The following ABTB2 variants were observed in gnomAD, a reference collection of about 807,000 sequenced individuals.
ABTB2 encodes the protein ankyrin repeat and BTB domain containing 2.
Under a neutral mutation model 104.1 loss-of-function variants are expected in ABTB2, and 56 were observed. The ratio of observed to expected loss-of-function variants is 0.54; its 90% CI spans 0.43 to 0.67. The LOEUF is 0.67. Ranked by LOEUF, ABTB2 falls within the 30% of genes least tolerant of loss-of-function variation. The pLI, the probability that ABTB2 is intolerant of heterozygous loss-of-function variation, is 0.00. For synonymous variants in ABTB2, 606 were observed against 608.2 expected, an observed-to-expected ratio of 1.00 and a Z score of 0.05; for missense variants, 1,279 against 1,407.7, an observed-to-expected ratio of 0.91 and a Z score of 1.46.
In ABTB2 at chr11:34,152,396, GGAGGTGATGTA is replaced by G; in HGVS notation, c.3058_3068del (p.Tyr1020ProfsTer28). ...GCCTCCGCCCCCTGCCTCACACCCG[GGAGGTGATGTA>G]GACAGAGTGCACGCGCTCTGCCAGG... On this transcript the variant is annotated frameshift_variant, in exon 17 of 17. Coordinates refer to ENST00000435224, the MANE Select transcript of ABTB2 (RefSeq NM_145804.3). LOFTEE classifies it high-confidence loss of function. 1 of 1,567,860 alleles carries G rather than the reference GGAGGTGATGTA, an allele frequency of 6.4e-7. No homozygotes were observed. The highest frequency in any genetic ancestry group is 8.6e-7 in the Non-Finnish European group (1 of 1,157,468).
chr11:34,246,925 G>A (rs931541050), intron 1 of ABTB2, among the ~76,000 whole-genome samples: 9 of 143,766 alleles, frequency 6.3e-5, no homozygotes, highest in Admixed American at 1.5e-4. Flanking sequence ...TCGGCTCACC[G>A]CAACCTCTGT....
At chr11:34,327,450 G>A (rs907490965) in intron 1 of ABTB2, among the ~76,000 whole-genome samples, 1 of 152,140 alleles carries the variant, frequency 6.6e-6, no homozygotes, top group Admixed American at 6.5e-5. Flanking sequence ...CCCAGTAGCA[G>A]GGGAAACGTG....
intron 1 of ABTB2, among the ~76,000 whole-genome samples, chr11:34,230,377 A>C (rs958641104): frequency 1.3e-5 from 2 of 152,210 alleles, no homozygotes; most frequent in Admixed American, 6.5e-5. Context: ...GGGGTTAGTC[A>C]CTTACCCAGA....
chr11:34,306,539 G>C (rs897022061), intron 1 of ABTB2, among the ~76,000 whole-genome samples: 1 of 151,978 alleles, frequency 6.6e-6, no homozygotes, highest in Non-Finnish European at 1.5e-5. Flanking sequence ...GAGCCACTGC[G>C]CCCAGACTGG....
intron 1 of ABTB2, among the ~76,000 whole-genome samples, chr11:34,293,108 G>A (rs140803761): frequency 2.0e-5 from 3 of 152,252 alleles, no homozygotes; most frequent in Middle Eastern, 3.4e-3. Flanking sequence ...GTTTTTTGAG[G>A]GCAGAGTTGA....
intron 2 of ABTB2, among the ~76,000 whole-genome samples, chr11:34,202,448 G>A (rs914637322): frequency 2.1e-5 from 3 of 145,810 alleles, no homozygotes; most frequent in African/African-American, 7.3e-5. Context: ...CCAGAGTGAG[G>A]ATTTTGGATT....
At chr11:34,274,158 CAAAAAAAAAAAAAAAAAAA>C (rs763755237) in intron 1 of ABTB2, among the ~76,000 whole-genome samples, 1 of 50,738 alleles carries the variant, frequency 2.0e-5, no homozygotes, top group Non-Finnish European at 3.7e-5. Flanking sequence ...GACTCCGTCT[CAAAAAAAAAAAAAAAAAAA>C]AAAAAAAAAA....
chr11:34,256,993 A>C (rs1854131383), intron 1 of ABTB2, among the ~76,000 whole-genome samples: 1 of 152,238 alleles, frequency 6.6e-6, no homozygotes, highest in African/African-American at 2.4e-5. Context: ...AGAGCCACTC[A>C]TAGTAGTCAA....
chr11:34,341,438 G>C (rs1443517778), intron 1 of ABTB2, among the ~76,000 whole-genome samples: 1 of 152,142 alleles, frequency 6.6e-6, no homozygotes, highest in African/African-American at 2.4e-5. Flanking sequence ...AACCCAGAAA[G>C]CTGGCCCCAA....
chr11:34,346,866 G>A (rs1855338580), intron 1 of ABTB2, among the ~76,000 whole-genome samples: 2 of 152,188 alleles, frequency 1.3e-5, no homozygotes, highest in Admixed American at 1.3e-4. Context: ...CTTGGTGTGT[G>A]AGCCTCAGGC....
At chr11:34,157,920 T>TTCTG (rs1292168897) in intron 14 of ABTB2, among the ~76,000 whole-genome samples, 1 of 152,212 alleles carries the variant, frequency 6.6e-6, no homozygotes, top group African/African-American at 2.4e-5. Flanking sequence ...TGGGTTTGAA[T>TTCTG]TCTGTCTCCA....
At chr11:34,295,629 A>G (rs1253348891) in intron 1 of ABTB2, among the ~76,000 whole-genome samples, 1 of 152,194 alleles carries the variant, frequency 6.6e-6, no homozygotes, top group Non-Finnish European at 1.5e-5. Context: ...ACCATGCCTT[A>G]GTCAGCCCAG....
intron 1 of ABTB2, among the ~76,000 whole-genome samples, chr11:34,314,168 C>A (rs957263541): frequency 1.3e-5 from 2 of 152,230 alleles, no homozygotes; most frequent in Non-Finnish European, 2.9e-5. Flanking sequence ...TGATATCCAG[C>A]ACCCCAAAAC....
intron 1 of ABTB2, among the ~76,000 whole-genome samples, chr11:34,272,760 T>A (rs1854335748): frequency 6.7e-6 from 1 of 148,690 alleles, no homozygotes; most frequent in Non-Finnish European, 1.5e-5. Context: ...TGGAATAATG[T>A]TGTGTATGTA....
Position 34,357,458 on chromosome 11 carries a change from G to C in ABTB2, c.126C>G (p.Leu42=). The change falls in exon 1 of 17, where the codon CTC becomes CTG. Residue 42 remains leucine (L), a synonymous_variant. Coordinates refer to ENST00000435224, the MANE Select transcript of ABTB2 (RefSeq NM_145804.3). The stretch of plus-strand genomic sequence containing the variant: ...CGCGGTGCTGCTGCGCCGAAGAGTT[G>C]AGCGCCTGCGAGTTGGACTTGGAGG... ...LSSSKSNSQA[L]NSSAQQHRGA... The C allele has an allele frequency of 1.9e-6, 3 of 1,547,736 alleles. No individual in the cohort carries two copies. Among genetic ancestry groups the C allele is most frequent in the Admixed American group, 3.9e-5 (2 of 51,010 alleles).
At chr11:34,157,930 A>C (rs1358789583) in intron 14 of ABTB2, among the ~76,000 whole-genome samples, 1 of 152,120 alleles carries the variant, frequency 6.6e-6, no homozygotes, top group Non-Finnish European at 1.5e-5. Flanking sequence ...TTCTGTCTCC[A>C]TCACTTCCCA....
At chr11:34,206,177 C>T (rs1300308730) in intron 1 of ABTB2, among the ~76,000 whole-genome samples, 1 of 151,972 alleles carries the variant, frequency 6.6e-6, no homozygotes, top group Non-Finnish European at 1.5e-5. Context: ...CTGGCCAACA[C>T]GGAGAAACCC....
intron 1 of ABTB2, among the ~76,000 whole-genome samples, chr11:34,331,264 T>C (rs1297974925): frequency 1.3e-5 from 2 of 152,214 alleles, no homozygotes; most frequent in Non-Finnish European, 2.9e-5. Context: ...ACCACAAGCA[T>C]ATAAAGGGTC....
chr11:34,177,770 T>A (rs1337020901), intron 3 of ABTB2, among the ~76,000 whole-genome samples: 1 of 152,184 alleles, frequency 6.6e-6, no homozygotes, highest in Non-Finnish European at 1.5e-5. Context: ...GGTTTCACCA[T>A]GTTGCCCAGG....
Sources: gnomAD v4.1 joint callset for allele counts (sites outside exome capture counted in the v4.1 genomes callset) on GRCh38, gnomAD v4.1.1 for gene constraint, MANE v1.5 for transcripts, NCBI Gene and HGNC (gene_info 2026-07-23, HGNC 2026-07-21) for gene names.